The following SGCD variants were observed in gnomAD, a reference collection of about 807,000 sequenced individuals.
The protein encoded by SGCD is sarcoglycan delta, also known as delta-sarcoglycan.
In SGCD, 18 loss-of-function variants were observed where a neutral mutation model predicts 36.6. The observed-to-expected ratio is 0.49, with a 90% confidence interval of 0.34 to 0.73. SGCD has a LOEUF of 0.73. Ranked by LOEUF, SGCD falls within the 30% of genes least tolerant of loss-of-function variation. The pLI is 0.01. For missense variants in SGCD, 387 were observed against 346.7 expected (o/e 1.12, Z -0.92); for synonymous variants, 133 against 130.6 (o/e 1.02, Z -0.12).
At chr5:156,143,582 C>T (rs3097806) in intron 3 of SGCD, among the ~76,000 whole-genome samples, 45,869 of 152,038 alleles carry the variant, frequency 0.3, 7,425 homozygotes, top group Non-Finnish European at 0.35. Flanking sequence ...CAGGGCTGAC[C>T]AAGGCTTTGG....
chr5:156,649,797 C>T (rs1763390161), intron 7 of SGCD, among the ~76,000 whole-genome samples: 1 of 151,988 alleles, frequency 6.6e-6, no homozygotes, highest in Non-Finnish European at 1.5e-5. Flanking sequence ...ACCAACATGG[C>T]ACATGTATAC....
chr5:155,850,919 A>G, the SGCD span, among the ~76,000 whole-genome samples: 7 of 152,186 alleles, frequency 4.6e-5, no homozygotes, highest in African/African-American at 1.7e-4. Flanking sequence ...TTTTGCTTGA[A>G]AACAGATTCT....
At chr5:156,437,284 T>C (rs1270475949) in intron 3 of SGCD, among the ~76,000 whole-genome samples, 2 of 152,180 alleles carry the variant, frequency 1.3e-5, no homozygotes, top group African/African-American at 4.8e-5. Flanking sequence ...ATTATTTTAG[T>C]TGGATTCTGT....
chr5:156,221,901 A>T (rs1764725308), intron 3 of SGCD, among the ~76,000 whole-genome samples: 1 of 152,064 alleles, frequency 6.6e-6, no homozygotes, highest in Non-Finnish European at 1.5e-5. Flanking sequence ...AATGCCAGAT[A>T]GTACTCCAGG....
chr5:156,741,585 CCTT>C (rs1756676209), intron 7 of SGCD, among the ~76,000 whole-genome samples: 1 of 151,262 alleles, frequency 6.6e-6, no homozygotes, highest in African/African-American at 2.5e-5. Flanking sequence ...CCAATTTTCT[CCTT>C]GTCATATTCC....
At chr5:156,005,995 A>C (rs1758754412) in intron 1 of SGCD, among the ~76,000 whole-genome samples, 1 of 152,162 alleles carries the variant, frequency 6.6e-6, no homozygotes, top group African/African-American at 2.4e-5. Flanking sequence ...ATAATCTCTC[A>C]GATCTACATT....
At position 156,142,075 on chromosome 5, in the gene SGCD, G is replaced by A. The variant is rs534105620; in HGVS notation, c.-44+18056G>A. On this transcript the variant is annotated intron_variant, in intron 3 of 9. Transcript: ENST00000517913. ...GGGAGCAGTTTCTCATGGTTTAGCA[G>A]CATCACCTTGGTATTGTTATCATGA... Among the ~76,000 whole-genome samples the A allele has an allele frequency of 2.0e-5, 3 of 152,254 alleles. No individual in the cohort carries two copies. In the South Asian group the frequency reaches 6.2e-4, roughly 32 times the overall value.
intron 3 of SGCD, among the ~76,000 whole-genome samples, chr5:156,274,908 G>A (rs543915663): frequency 3.2e-4 from 48 of 152,272 alleles, no homozygotes; most frequent in Middle Eastern, 3.4e-3. Context: ...TAGCATGAGA[G>A]CGGGTTTCAT....
chr5:155,778,186 C>T, the SGCD span, among the ~76,000 whole-genome samples: 3 of 152,138 alleles, frequency 2.0e-5, no homozygotes, highest in Non-Finnish European at 4.4e-5. Context: ...TAGGATAATG[C>T]ACATGGTAAA....
At chr5:156,437,458 G>C (rs907492693) in intron 3 of SGCD, among the ~76,000 whole-genome samples, 3 of 152,078 alleles carry the variant, frequency 2.0e-5, no homozygotes, top group Non-Finnish European at 2.9e-5. Context: ...TTGAAATCAC[G>C]CCCTGAGCTA....
intron 1 of SGCD, among the ~76,000 whole-genome samples, chr5:155,882,370 T>A (rs967078032): frequency 6.6e-6 from 1 of 152,176 alleles, no homozygotes. Flanking sequence ...TGAGCCACTG[T>A]TCCTGGCCAC....
the SGCD span, among the ~76,000 whole-genome samples, chr5:155,833,053 CGAAA>C: frequency 5.6e-3 from 503 of 90,332 alleles, 12 homozygotes; most frequent in African/African-American, 0.017. Flanking sequence ...ACTAAAAATA[CGAAA>C]AAAAAAAAAA....
the SGCD span, among the ~76,000 whole-genome samples, chr5:155,842,813 T>TA: frequency 5.3e-5 from 8 of 151,998 alleles, no homozygotes; most frequent in African/African-American, 1.7e-4. Context: ...CTGAAAATTT[T>TA]AAAAAAAGAA....
At chr5:156,437,805 A>G (rs1238204713) in intron 3 of SGCD, among the ~76,000 whole-genome samples, 1 of 152,172 alleles carries the variant, frequency 6.6e-6, no homozygotes, top group Non-Finnish European at 1.5e-5. Flanking sequence ...GGAAGAAAAT[A>G]TATATGTGTT....
chr5:156,153,266 T>C (rs936911581), intron 3 of SGCD, among the ~76,000 whole-genome samples: 7 of 151,136 alleles, frequency 4.6e-5, no homozygotes, highest in Admixed American at 6.6e-5. Context: ...TTTTTTTTTT[T>C]CCTGGGAAAA....
At chr5:156,136,424 A>C (rs554012712) in intron 3 of SGCD, among the ~76,000 whole-genome samples, 1 of 152,340 alleles carries the variant, frequency 6.6e-6, no homozygotes, top group East Asian at 1.9e-4. Flanking sequence ...ATCACTTTTT[A>C]GAATAAAAAT....
At chr5:156,711,829 C>T (rs926406368) in intron 7 of SGCD, among the ~76,000 whole-genome samples, 1 of 152,136 alleles carries the variant, frequency 6.6e-6, no homozygotes, top group Non-Finnish European at 1.5e-5. Context: ...AAAGTGAAAG[C>T]AAGTTTATTA....
intron 3 of SGCD, among the ~76,000 whole-genome samples, chr5:156,506,752 A>G (rs1756717501): frequency 6.6e-6 from 1 of 152,188 alleles, no homozygotes; most frequent in African/African-American, 2.4e-5. Context: ...TTTGGAAGAT[A>G]CTAGGTGGAA....
At chr5:156,342,764 A>C (rs1032499216) in intron 2 of SGCD, among the ~76,000 whole-genome samples, 7 of 152,236 alleles carry the variant, frequency 4.6e-5, no homozygotes, top group African/African-American at 1.4e-4. Flanking sequence ...GCAAGTATAC[A>C]AACAAGAACT....
Sources: gnomAD v4.1 joint callset for allele counts (sites outside exome capture counted in the v4.1 genomes callset) on GRCh38, gnomAD v4.1.1 for gene constraint, MANE v1.5 for transcripts, NCBI Gene and HGNC (gene_info 2026-07-23, HGNC 2026-07-21) for gene names.